Variants in GYS2 observed in about 807,000 individuals in gnomAD.
GYS2 encodes glycogen synthase 2.
In GYS2, 80 loss-of-function variants were observed where a neutral mutation model predicts 85.6. The observed-to-expected ratio is 0.93, with a 90% CI of 0.78 to 1.13. The LOEUF is 1.13. Among genes scored for constraint, GYS2 ranks in the 50% most tolerant of loss-of-function variants. GYS2 has a pLI of 0.00. For synonymous variants in GYS2, 328 were observed against 300.7 expected (o/e 1.09, Z -0.94); for missense variants, 881 against 854.9 (o/e 1.03, Z -0.38).
chr12:21,557,674 T>C (rs1383934273), intron 11 of GYS2, among the ~76,000 whole-genome samples: 3 of 151,918 alleles, frequency 2.0e-5, no homozygotes, highest in Non-Finnish European at 4.4e-5. Context: ...CCGAGGCAGG[T>C]GGATCACGAG....
chr12:21,594,383 T>A (rs930386506), intron 1 of GYS2, among the ~76,000 whole-genome samples: 4 of 152,156 alleles, frequency 2.6e-5, no homozygotes, highest in Admixed American at 2.6e-4. Context: ...CTCTTAGCGC[T>A]GAAAAATAAA....
chr12:21,600,018 G>T, intron 1 of GYS2, among the ~76,000 whole-genome samples: 1 of 152,144 alleles, frequency 6.6e-6, no homozygotes, highest in East Asian at 1.9e-4. Context: ...ACATTACCCA[G>T]GTGATGGTGG....
intron 11 of GYS2, among the ~76,000 whole-genome samples, chr12:21,546,843 A>G (rs943234107): frequency 6.6e-6 from 1 of 152,122 alleles, no homozygotes; most frequent in Non-Finnish European, 1.5e-5. Flanking sequence ...TTTGTTCCCA[A>G]CTTGAGCAGG....
chr12:21,560,403 T>G lies in GYS2; in HGVS notation c.1152A>C (p.Ala384=). Residue 384 remains alanine, a synonymous_variant, in exon 8 of 16, where the codon GCA becomes GCC. Coordinates refer to ENST00000261195, the MANE Select transcript of GYS2 (RefSeq NM_021957.4). ...GAGATTACCACAGCTGTTTTCGCAC[T>G]GCTTGTCCTTTCAGGGTTTCCACGT... ...NFNVETLKGQ[A]VRKQLWDVAH... 6.3e-7 allele frequency: 1 copy of G among 1,598,702 alleles called. No homozygotes were observed. Among genetic ancestry groups the G allele is most frequent in the Non-Finnish European group, 8.6e-7 (1 of 1,166,054 alleles).
downstream of GYS2, among the ~76,000 whole-genome samples, chr12:21,533,137 C>G (rs10770824): frequency 0.29 from 43,997 of 152,076 alleles, 6,904 homozygotes; most frequent in Middle Eastern, 0.42. Context: ...CTGCAGGGAG[C>G]GCTTTCAGCC....
intron 1 of GYS2, among the ~76,000 whole-genome samples, chr12:21,587,023 T>C (rs958954950): frequency 4.6e-5 from 7 of 152,172 alleles, no homozygotes; most frequent in African/African-American, 7.2e-5. Flanking sequence ...TCATGTCTTC[T>C]CTAGAAACAT....
At chr12:21,572,804 T>A (rs909832623) in intron 4 of GYS2, among the ~76,000 whole-genome samples, 1 of 152,220 alleles carries the variant, frequency 6.6e-6, no homozygotes, top group African/African-American at 2.4e-5. Flanking sequence ...TATTAGTAGC[T>A]TTTAAAATTA....
chr12:21,559,125 A>C lies in GYS2; in HGVS notation c.1274T>G (p.Leu425Arg). 1 of 1,609,172 alleles carries C rather than the reference A, an allele frequency of 6.2e-7. No homozygotes were observed. The highest frequency in any genetic ancestry group is 8.5e-7 in the Non-Finnish European group (1 of 1,176,132). The change falls in exon 10 of 16, where the codon CTA (leucine) becomes CGA (arginine). Residue 425 changes from leucine (L) to arginine (R), a missense_variant. Coordinates refer to ENST00000261195, the MANE Select transcript of GYS2 (RefSeq NM_021957.4). The stretch of plus-strand genomic sequence containing the variant: ...AAAGATGGCTCTTTTCATAATTGTT[A>C]GATCATCTCGATCTAAAATATCGTT... ...DLNDILDRDD[L>R]TIMKRAIFST... is the part of the protein sequence containing the mutation.
At chr12:21,556,411 TC>T (rs1944179910) in intron 11 of GYS2, among the ~76,000 whole-genome samples, 1 of 152,166 alleles carries the variant, frequency 6.6e-6, no homozygotes, top group African/African-American at 2.4e-5. Flanking sequence ...CCTCAAGCGA[TC>T]CACCTACCGC....
rs1408444336 is a variant in GYS2, at chr12:21,574,319, T to C, written c.503A>G (p.Asp168Gly). The C allele has an allele frequency of 1.4e-5, 22 of 1,612,866 alleles. No homozygotes were observed. The highest frequency in any genetic ancestry group is 1.8e-5 in the Non-Finnish European group (21 of 1,178,898). ...LTAWFLKEVT[D>G]HADGKYVVAQ... Reference sequence around the variant, plus strand: ...AACGACATATTTACCATCTGCATGATCTGTCACCTACATTAGGAAAAAAAA... The same window carrying C: ...AACGACATATTTACCATCTGCATGACCTGTCACCTACATTAGGAAAAAAAA... Residue 168 changes from aspartate to glycine, a missense_variant, in exon 4 of 16, where the codon GAT (aspartate) becomes GGT (glycine). Transcript: ENST00000261195.
rs1024508328 is a variant in GYS2, at chr12:21,580,504, C to T, written c.141G>A (p.Val47=). The change falls in exon 2 of 16, where the codon GTG becomes GTA. Residue 47 remains valine, a synonymous_variant. Transcript: ENST00000261195. Reference sequence around the variant, plus strand: ...CTGTTGTTTTGGCCTTTGTCTGAATCACAGTATAGATGCCTCCAACTGTTA... The same window carrying T: ...CTGTTGTTTTGGCCTTTGTCTGAATTACAGTATAGATGCCTCCAACTGTTA... ...VTNKVGGIYT[V]IQTKAKTTAD... is the part of the protein sequence containing the mutation. 1 of 1,613,164 alleles carries T rather than the reference C, an allele frequency of 6.2e-7. No individual in the cohort carries two copies. The highest frequency in any genetic ancestry group is 8.5e-7 in the Non-Finnish European group (1 of 1,179,432).
At chr12:21,533,129 G>A (rs568026949), downstream of GYS2, among the ~76,000 whole-genome samples, 1 of 152,158 alleles carries the variant, frequency 6.6e-6, no homozygotes, top group Non-Finnish European at 1.5e-5. Context: ...ACCTTGATCT[G>A]CAGGGAGCGC....
chr12:21,542,052 C>CTTT (rs71053320), intron 13 of GYS2, among the ~76,000 whole-genome samples: 18 of 149,616 alleles, frequency 1.2e-4, no homozygotes, highest in East Asian at 1.2e-3. Flanking sequence ...TATAAATCTA[C>CTTT]TTTTTTTTTT....
rs1943911685 is a variant in GYS2, at chr12:21,536,493, T to C, written c.*461A>G. The C allele has an allele frequency of 5.6e-6, 1 of 179,722 alleles. No individual in the cohort carries two copies. Among genetic ancestry groups the C allele is most frequent in the Non-Finnish European group, 1.2e-5 (1 of 85,408 alleles). The allele number at this position is 179,722 out of a possible 1,614,324, so 11.1% of individuals were successfully genotyped here. On this transcript the variant is annotated 3_prime_UTR_variant, in exon 16 of 16. Transcript: ENST00000261195. The stretch of plus-strand genomic sequence containing the variant: ...TTCTGATGCATGTGAAAAATGAAAA[T>C]AATCAGTAAAAACCTAGCTATTTAA...
At chr12:21,569,058 A>C in intron 4 of GYS2, 49 bp from the exon 5 acceptor site, 2 of 1,591,776 alleles carry the variant, frequency 1.3e-6, no homozygotes, top group Non-Finnish European at 1.7e-6. Context: ...TGGCCCTTCT[A>C]CACAAGCTAA....
intron 4 of GYS2, among the ~76,000 whole-genome samples, chr12:21,569,588 C>T (rs6487240): frequency 0.76 from 114,977 of 152,146 alleles, 43,677 homozygotes; most frequent in South Asian, 0.8. Flanking sequence ...TTCTGGGTAG[C>T]TTAACTTAAA....
rs1320366268 is a variant in GYS2 at position 21,580,363 on chromosome 12, T to G, written c.282A>C (p.Ala94=). The change falls in exon 2 of 16, where the codon GCA becomes GCC. Residue 94 remains alanine, a synonymous_variant. Coordinates refer to ENST00000261195, the MANE Select transcript of GYS2 (RefSeq NM_021957.4). ...VNDAVRRAVD[A]MNKHGCQVHF... is the part of the protein sequence containing the mutation. ...TTACCTGGCAGCCATGCTTATTCAT[T>G]GCGTCCACTGCTCTTCTGACAGCAT... 1 of 1,613,834 alleles carries G rather than the reference T, an allele frequency of 6.2e-7. No homozygotes were observed. Among genetic ancestry groups the G allele is most frequent in the Non-Finnish European group, 8.5e-7 (1 of 1,179,838 alleles).
chr12:21,581,538 A>C (rs1475722349), intron 1 of GYS2, among the ~76,000 whole-genome samples: 1 of 152,222 alleles, frequency 6.6e-6, no homozygotes, highest in East Asian at 1.9e-4. Context: ...TCCCAGCCGA[A>C]TAAAGCCCTT....
At chr12:21,580,588 T>C (rs1591803574) in intron 1 of GYS2, 65 bp from the exon 2 acceptor site, 1 of 1,157,178 alleles carries the variant, frequency 8.6e-7, no homozygotes. Context: ...TAATAAGGGA[T>C]GGAAATGAGT....
Sources: allele counts gnomAD v4.1 joint callset (sites outside exome capture counted in the v4.1 genomes callset), GRCh38; gene constraint gnomAD v4.1.1; transcripts MANE v1.5; gene names NCBI Gene and HGNC (gene_info 2026-07-23, HGNC 2026-07-21).